GMDS: variants seen among roughly 807,000 people sequenced by gnomAD.
GMDS encodes GDP-mannose 4,6-dehydratase.
Under a neutral mutation model 49.9 loss-of-function variants are expected in GMDS, and 20 were observed. That is an observed-to-expected ratio of 0.40 (90% CI 0.28 to 0.58). The LOEUF (loss-of-function observed/expected upper bound fraction) is 0.58. Among genes scored for constraint, GMDS ranks in the 20% least tolerant of loss-of-function variants. The pLI, the probability that GMDS is intolerant of heterozygous loss-of-function variation, is 0.42. For synonymous variants in GMDS, 177 were observed against 178.6 expected, an observed-to-expected ratio of 0.99 and a Z score of 0.07; for missense variants, 362 against 481.4, an observed-to-expected ratio of 0.75 and a Z score of 2.32.
chr6:2,050,490 T>C (rs1770320557), intron 4 of GMDS, among the ~76,000 whole-genome samples: 1 of 152,126 alleles, frequency 6.6e-6, no homozygotes, highest in Non-Finnish European at 1.5e-5. Context: ...ACTATTCCAA[T>C]GATTAGAAAA....
intron 7 of GMDS, among the ~76,000 whole-genome samples, chr6:1,803,030 A>T (rs1770011714): frequency 6.6e-6 from 1 of 152,232 alleles, no homozygotes; most frequent in African/African-American, 2.4e-5. Flanking sequence ...TCCATTTTTG[A>T]GCCTAAACAA....
intron 9 of GMDS, among the ~76,000 whole-genome samples, chr6:1,673,573 T>G (rs1764494428): frequency 6.6e-6 from 1 of 152,138 alleles, no homozygotes; most frequent in Admixed American, 6.5e-5. Context: ...CATAGATTTT[T>G]ACATTAGGGT....
chr6:1,663,755 C>A (rs984979062), intron 9 of GMDS, among the ~76,000 whole-genome samples: 10 of 152,122 alleles, frequency 6.6e-5, no homozygotes, highest in Admixed American at 6.5e-4. Flanking sequence ...GTGTGCCCTG[C>A]TCCCTCATTT....
intron 4 of GMDS, among the ~76,000 whole-genome samples, chr6:1,968,285 G>A (rs1326767692): frequency 6.6e-6 from 1 of 152,186 alleles, no homozygotes; most frequent in Non-Finnish European, 1.5e-5. Context: ...AAAATACAGT[G>A]TGTCTGATTA....
At chr6:1,852,547 T>A (rs1199464152) in intron 7 of GMDS, among the ~76,000 whole-genome samples, 2 of 152,120 alleles carry the variant, frequency 1.3e-5, no homozygotes, top group Non-Finnish European at 2.9e-5. Flanking sequence ...TCCACAAGCT[T>A]CCCCTCCACT....
intron 8 of GMDS, among the ~76,000 whole-genome samples, chr6:1,739,934 A>G (rs1767196166): frequency 6.6e-6 from 1 of 152,248 alleles, no homozygotes; most frequent in African/African-American, 2.4e-5. Context: ...CAGTTTCACT[A>G]TGCTTAAGCC....
chr6:2,073,471 C>T (rs1772135360), intron 4 of GMDS, among the ~76,000 whole-genome samples: 1 of 152,116 alleles, frequency 6.6e-6, no homozygotes, highest in Non-Finnish European at 1.5e-5. Flanking sequence ...GTATTCATCA[C>T]CTTGGGTATT....
chr6:1,882,913 G>C (rs183557865), intron 7 of GMDS, among the ~76,000 whole-genome samples: 2 of 152,116 alleles, frequency 1.3e-5, no homozygotes, highest in Non-Finnish European at 2.9e-5. Flanking sequence ...TCTCTATCAC[G>C]AGTGATTGTT....
chr6:1,930,068 G>A (rs372066486), intron 7 of GMDS, 35 bp downstream of exon 7: 38 of 1,567,456 alleles, frequency 2.4e-5, no homozygotes, highest in Non-Finnish European at 2.9e-5. Flanking sequence ...CAATGGATAC[G>A]GGTATTTTCA....
rs1451389906 is a variant in GMDS, at chr6:1,866,778, G to A, written c.771+63325C>T. ...GGTGAGCAGATGCTGCTGAACCTTG[G>A]GAGTACACTTGCCACACAGTGCCCC... On this transcript the variant is annotated intron_variant, in intron 7 of 10. Coordinates refer to ENST00000380815, the MANE Select transcript of GMDS (RefSeq NM_001500.4). Among the ~76,000 whole-genome samples the A allele has an allele frequency of 2.0e-5, 3 of 152,298 alleles. No homozygotes were observed. In the East Asian group the frequency reaches 5.8e-4, roughly 29 times the overall value.
chr6:2,063,955 G>T (rs1026060747), intron 4 of GMDS, among the ~76,000 whole-genome samples: 9 of 152,216 alleles, frequency 5.9e-5, no homozygotes, highest in African/African-American at 2.2e-4. Context: ...AAATAGTCAT[G>T]AATTAACAGA....
intron 9 of GMDS, among the ~76,000 whole-genome samples, chr6:1,711,266 T>A (rs1419882887): frequency 6.6e-6 from 1 of 152,182 alleles, no homozygotes; most frequent in African/African-American, 2.4e-5. Flanking sequence ...GCCGGCTGCC[T>A]CAGGATCCCT....
At chr6:1,648,329 C>G (rs913549967) in intron 9 of GMDS, among the ~76,000 whole-genome samples, 1 of 152,232 alleles carries the variant, frequency 6.6e-6, no homozygotes, top group African/African-American at 2.4e-5. Flanking sequence ...ATTTCAGGTT[C>G]TACCTTGGTC....
At chr6:1,759,312 C>A (rs1768074312) in intron 7 of GMDS, among the ~76,000 whole-genome samples, 1 of 152,166 alleles carries the variant, frequency 6.6e-6, no homozygotes, top group African/African-American at 2.4e-5. Flanking sequence ...TTCAATTCCA[C>A]AAATGTTAAA....
chr6:1,847,816 A>C (rs1757477900), intron 7 of GMDS, among the ~76,000 whole-genome samples: 2 of 152,200 alleles, frequency 1.3e-5, no homozygotes, highest in African/African-American at 4.8e-5. Context: ...TCTGTCAACC[A>C]GGCTGATATT....
chr6:2,109,656 C>T (rs1472109164), intron 4 of GMDS, among the ~76,000 whole-genome samples: 2 of 152,192 alleles, frequency 1.3e-5, no homozygotes, highest in Non-Finnish European at 2.9e-5. Context: ...CCGTGATATG[C>T]ACCCCTGATT....
At chr6:1,641,624 C>A (rs1247210029) in intron 9 of GMDS, among the ~76,000 whole-genome samples, 1 of 152,176 alleles carries the variant, frequency 6.6e-6, no homozygotes, top group Non-Finnish European at 1.5e-5. Context: ...CTGAGCAGCC[C>A]AGACAGGAGC....
intron 4 of GMDS, among the ~76,000 whole-genome samples, chr6:2,002,986 GA>G (rs917743212): frequency 5.3e-5 from 8 of 150,004 alleles, no homozygotes; most frequent in East Asian, 1.9e-4. Context: ...CCAAAAGTCA[GA>G]AAAAAAAATA....
In GMDS at chr6:2,052,116, C is replaced by CAAAAAAAAAAAAA. The variant is rs1285013159; in HGVS notation, c.345+63642_345+63654dup. 2.1e-3 allele frequency among the ~76,000 whole-genome samples: 90 copies of CAAAAAAAAAAAAA among 43,542 alleles called. 1 individual carries two copies. Among genetic ancestry groups the CAAAAAAAAAAAAA allele is most frequent in the African/African-American group, 3.8e-3 (44 of 11,634 alleles). The allele number at this position is 43,542 out of a possible 152,430, so 28.6% of individuals were successfully genotyped here. A position where few individuals can be genotyped will look rare whatever the true frequency, so the allele number is the denominator to read the frequency against. On this transcript the variant is annotated intron_variant, in intron 4 of 10. Coordinates refer to ENST00000380815, the MANE Select transcript of GMDS (RefSeq NM_001500.4). ...TGGGTGACAGAGCAAGACTCTGTCT[C>CAAAAAAAAAAAAA]AAAAAAAAAAAAAAGAAAAAAAAAA... is the stretch of plus-strand genomic sequence containing the variant.
Sources: gnomAD v4.1 joint callset for allele counts (sites outside exome capture counted in the v4.1 genomes callset) on GRCh38, gnomAD v4.1.1 for gene constraint, MANE v1.5 for transcripts, NCBI Gene and HGNC (gene_info 2026-07-23, HGNC 2026-07-21) for gene names.